Variants in PCDH9 observed in about 807,000 individuals in gnomAD.
The protein encoded by PCDH9 is protocadherin-9.
PCDH9 carries 24 observed loss-of-function variants against 70.6 expected under a neutral mutation model. The observed-to-expected ratio is 0.34, with a 90% confidence interval of 0.25 to 0.48. The LOEUF is 0.48. PCDH9 is among the 20% of genes least tolerant of loss of function. The pLI is 0.99. For synonymous variants in PCDH9, 562 were observed against 558.5 expected, an observed-to-expected ratio of 1.01 and a Z score of -0.09; for missense variants, 1,281 against 1,503.6, an observed-to-expected ratio of 0.85 and a Z score of 2.45.
chr13:66,317,288 G>A (rs1172275759), intron 4 of PCDH9, among the ~76,000 whole-genome samples: 1 of 152,108 alleles, frequency 6.6e-6, no homozygotes, highest in African/African-American at 2.4e-5. Context: ...ACATTATGTG[G>A]CAAATAATTT....
At chr13:67,147,061 A>C (rs937496646) in intron 2 of PCDH9, among the ~76,000 whole-genome samples, 1 of 152,186 alleles carries the variant, frequency 6.6e-6, no homozygotes, top group Non-Finnish European at 1.5e-5. Flanking sequence ...ACAATGTAGG[A>C]AAGATGCTCT....
intron 2 of PCDH9, among the ~76,000 whole-genome samples, chr13:66,922,121 G>T (rs556258424): frequency 6.6e-6 from 1 of 151,386 alleles, no homozygotes; most frequent in African/African-American, 2.4e-5. Context: ...TTATATTCAT[G>T]TATCAGAAAA....
intron 4 of PCDH9, among the ~76,000 whole-genome samples, chr13:66,600,903 C>A (rs1373643533): frequency 6.9e-6 from 1 of 144,418 alleles, no homozygotes; most frequent in Non-Finnish European, 1.6e-5. Context: ...TGCTTGAGAA[C>A]ACTTAACCTT....
intron 4 of PCDH9, among the ~76,000 whole-genome samples, chr13:66,378,505 G>A (rs2138234974): frequency 6.6e-6 from 1 of 152,232 alleles, no homozygotes; most frequent in South Asian, 2.1e-4. Flanking sequence ...CGTAAAGACT[G>A]CATTTTTTAA....
At chr13:67,207,182 T>C (rs181384666) in intron 2 of PCDH9, 1 of 152,234 alleles carries the variant, frequency 6.6e-6, no homozygotes, top group East Asian at 1.9e-4. Flanking sequence ...TTCGGTGATT[T>C]TTTTTTTAAC....
chr13:67,061,980 C>T (rs965636209), intron 2 of PCDH9, among the ~76,000 whole-genome samples: 1 of 152,060 alleles, frequency 6.6e-6, no homozygotes, highest in Admixed American at 6.6e-5. Context: ...TAGGCGGTAA[C>T]GGCAGGGAAT....
chr13:66,649,605 C>T (rs910636039), intron 3 of PCDH9, among the ~76,000 whole-genome samples: 3 of 150,660 alleles, frequency 2.0e-5, no homozygotes, highest in African/African-American at 7.3e-5. Flanking sequence ...ATGAGCAATA[C>T]AAAATCATCT....
At position 66,552,024 on chromosome 13, in the gene PCDH9, C is replaced by T. The variant is rs117207880; in HGVS notation, c.3340+79186G>A. 6.7e-3 allele frequency among the ~76,000 whole-genome samples: 1,019 copies of T among 152,186 alleles called. 7 individuals are homozygous for T. The highest frequency in any genetic ancestry group is 0.031 in the Middle Eastern group (9 of 294). ...CACAAAGAATATTAATGTTGCTTGTCTTATAGTTGTCAATCCCCTATAGAG... is the reference window on the plus strand; with the variant it reads ...CACAAAGAATATTAATGTTGCTTGTTTTATAGTTGTCAATCCCCTATAGAG... On this transcript the variant is annotated intron_variant, in intron 4 of 4. Coordinates refer to ENST00000377865, the MANE Select transcript of PCDH9 (RefSeq NM_203487.3).
At chr13:66,405,032 C>A (rs1474525586) in intron 4 of PCDH9, among the ~76,000 whole-genome samples, 2 of 152,094 alleles carry the variant, frequency 1.3e-5, no homozygotes, top group African/African-American at 4.8e-5. Flanking sequence ...TCACAGACAC[C>A]TGATAAAGAT....
In PCDH9 at chr13:66,891,992, C is replaced by A. The variant is rs191223910; in HGVS notation, c.3138+11512G>T. 8.6e-4 allele frequency among the ~76,000 whole-genome samples: 131 copies of A among 151,720 alleles called. 1 individual carries two copies. The highest frequency in any genetic ancestry group is 1.6e-3 in the Non-Finnish European group (107 of 67,844). On this transcript the variant is annotated intron_variant, in intron 3 of 4. Coordinates refer to ENST00000377865, the MANE Select transcript of PCDH9 (RefSeq NM_203487.3). Reference sequence around the variant, plus strand: ...GCTGGCATTCCTCTCACTTTTATTCCAATTTGAAGTTGGAAATAAATGATG... The same window carrying A: ...GCTGGCATTCCTCTCACTTTTATTCAAATTTGAAGTTGGAAATAAATGATG...
intron 4 of PCDH9, among the ~76,000 whole-genome samples, chr13:66,372,725 C>CA (rs1956678647): frequency 6.6e-6 from 1 of 151,656 alleles, no homozygotes; most frequent in Non-Finnish European, 1.5e-5. Flanking sequence ...GGGTATGAAG[C>CA]AATTTCATCT....
intron 4 of PCDH9, among the ~76,000 whole-genome samples, chr13:66,313,598 T>C (rs1350418033): frequency 2.0e-5 from 3 of 152,204 alleles, no homozygotes; most frequent in African/African-American, 7.2e-5. Flanking sequence ...TAGTACACAA[T>C]GTTATGAAGC....
At chr13:66,380,515 A>C (rs1316409558) in intron 4 of PCDH9, among the ~76,000 whole-genome samples, 1 of 151,506 alleles carries the variant, frequency 6.6e-6, no homozygotes, top group Non-Finnish European at 1.5e-5. Flanking sequence ...GAAGAAAAAA[A>C]AATAGAGAAT....
At chr13:67,060,791 G>C in intron 2 of PCDH9, among the ~76,000 whole-genome samples, 1 of 152,026 alleles carries the variant, frequency 6.6e-6, no homozygotes, top group East Asian at 1.9e-4. Flanking sequence ...TTTCCTAGGT[G>C]ATGTGAACTG....
intron 3 of PCDH9, among the ~76,000 whole-genome samples, chr13:66,801,796 C>A (rs745569359): frequency 4.6e-5 from 7 of 151,936 alleles, no homozygotes; most frequent in Non-Finnish European, 8.8e-5. Context: ...GGAGAGTAAT[C>A]TTGTGGCTTT....
chr13:66,400,483 A>G (rs1029252207), intron 4 of PCDH9, among the ~76,000 whole-genome samples: 2 of 152,158 alleles, frequency 1.3e-5, no homozygotes, highest in Admixed American at 6.5e-5. Flanking sequence ...TTTCTCTCCA[A>G]TTATAGCTTT....
At chr13:67,125,192 C>A (rs973913654) in intron 2 of PCDH9, among the ~76,000 whole-genome samples, 10 of 152,176 alleles carry the variant, frequency 6.6e-5, no homozygotes, top group Admixed American at 2.0e-4. Flanking sequence ...AGAAGACACT[C>A]ATAAAATGTT....
intron 3 of PCDH9, among the ~76,000 whole-genome samples, chr13:66,686,254 C>T (rs534885688): frequency 2.0e-5 from 3 of 152,202 alleles, no homozygotes; most frequent in African/African-American, 4.8e-5. Flanking sequence ...TGAGATCTCA[C>T]AAGAAAACCA....
At chr13:67,004,118 C>A (rs568344325) in intron 2 of PCDH9, among the ~76,000 whole-genome samples, 1 of 151,308 alleles carries the variant, frequency 6.6e-6, no homozygotes, top group Non-Finnish European at 1.5e-5. Flanking sequence ...AGAAGGGATT[C>A]GGTCACAGAG....
Sources: gnomAD v4.1 joint callset for allele counts (sites outside exome capture counted in the v4.1 genomes callset) on GRCh38, gnomAD v4.1.1 for gene constraint, MANE v1.5 for transcripts, NCBI Gene and HGNC (gene_info 2026-07-23, HGNC 2026-07-21) for gene names.